Variants in INTS12 observed in about 807,000 individuals in gnomAD.
INTS12 encodes the protein integrator complex subunit 12.
In INTS12, 13 loss-of-function variants were observed where a neutral mutation model predicts 41.6. The observed-to-expected ratio is 0.31, with a 90% CI of 0.20 to 0.50. The LOEUF is 0.50. Among genes scored for constraint, INTS12 ranks in the 20% least tolerant of loss-of-function variants. The pLI is 0.98. For synonymous variants in INTS12, 199 were observed against 191.4 expected (o/e 1.04, Z -0.33); for missense variants, 432 against 541.6 (o/e 0.80, Z 2.01).
At chr4:105,706,988 A>C (rs1732294470) in intron 1 of INTS12, among the ~76,000 whole-genome samples, 1 of 152,290 alleles carries the variant, frequency 6.6e-6, no homozygotes, top group South Asian at 2.1e-4. Flanking sequence ...CTGAGAAGTT[A>C]GGGCTTTCTA....
chr4:105,684,605 C>A (rs906912841), intron 7 of INTS12, among the ~76,000 whole-genome samples: 1 of 152,034 alleles, frequency 6.6e-6, no homozygotes, highest in African/African-American at 2.4e-5. Context: ...TGTCCACATA[C>A]TCTGAAAATT....
chr4:105,696,093 C>T (rs62320296), intron 3 of INTS12, among the ~76,000 whole-genome samples: 5,902 of 152,206 alleles, frequency 0.039, 174 homozygotes, highest in Non-Finnish European at 0.061. Flanking sequence ...TCAAATGATC[C>T]GCCCACCTCG....
At position 105,700,029 on chromosome 4, in the gene INTS12, GAGAA is replaced by G. The variant is rs1732006525; in HGVS notation, c.-9-19_-9-16del. ...ATTGCAAACGCCTGAAGGAAAAAAA[GAGAA>G]AGTAATCTAGAAGACAATGCACAAT... On this transcript the variant is annotated splice_polypyrimidine_tract_variant and intron_variant, in intron 2 of 7. Transcript: ENST00000340139. The G allele has an allele frequency of 6.9e-7, 1 of 1,452,086 alleles. No homozygotes were observed. Among genetic ancestry groups the G allele is most frequent in the Non-Finnish European group, 9.2e-7 (1 of 1,086,180 alleles). The allele number at this position is 1,452,086 out of a possible 1,614,324, so 90.0% of individuals were successfully genotyped here.
At chr4:105,686,982 C>T in intron 6 of INTS12, 144 bp from the exon 7 acceptor site, 1 of 668,880 alleles carries the variant, frequency 1.5e-6, no homozygotes, top group South Asian at 1.8e-5. Flanking sequence ...TATATATGCT[C>T]TTTGACAAAT....
intron 3 of INTS12, among the ~76,000 whole-genome samples, chr4:105,699,479 G>A (rs1731982732): frequency 6.6e-6 from 1 of 151,936 alleles, no homozygotes; most frequent in African/African-American, 2.4e-5. Flanking sequence ...TGAAAGATCT[G>A]TCCTTTTACT....
Position 105,693,463 on chromosome 4 carries a change from T to A in INTS12, c.333A>T (p.Gly111=), listed in dbSNP as rs748332752. The A allele has an allele frequency of 3.7e-6, 6 of 1,612,956 alleles. No individual in the cohort carries two copies. The South Asian group carries it at 5.5e-5, about 15-fold the overall frequency. The change falls in exon 5 of 8, where the codon GGA becomes GGT. Residue 111 remains glycine, a synonymous_variant. Transcript: ENST00000340139. ...ADKMKSDITE[G]VDIPKKPRLE... is the part of the protein sequence containing the mutation. ...ATCTAGGTTTCTTTGGAATATCAAC[T>A]CCTTCAGTGATGTCTGATTTCATCT... is the stretch of plus-strand genomic sequence containing the variant.
chr4:105,701,243 T>A (rs1021817152), intron 2 of INTS12, among the ~76,000 whole-genome samples: 1 of 151,822 alleles, frequency 6.6e-6, no homozygotes, highest in African/African-American at 2.4e-5. Context: ...CTTTTTTTTT[T>A]TTTTTTTTAA....
chr4:105,708,262 C>G (rs748831033), intron 1 of INTS12: 1 of 985,438 alleles, frequency 1.0e-6, no homozygotes, highest in East Asian at 1.1e-4. Context: ...TTGATCAAAG[C>G]ATCACACATC....
intron 1 of INTS12, among the ~76,000 whole-genome samples, chr4:105,707,643 C>A (rs1347210560): frequency 6.6e-6 from 1 of 152,150 alleles, no homozygotes; most frequent in Non-Finnish European, 1.5e-5. Flanking sequence ...TACAATGTTC[C>A]TATCTGTAAA....
chr4:105,705,201 T>C (rs894785107), intron 1 of INTS12: 1 of 152,196 alleles, frequency 6.6e-6, no homozygotes, highest in Non-Finnish European at 1.5e-5. Context: ...TCCTGTCACA[T>C]CACTGGTGGA....
At position 105,683,058 on chromosome 4, in the gene INTS12, G is replaced by A. The variant is rs748791802; in HGVS notation, c.1064C>T (p.Thr355Met). 4.0e-5 allele frequency: 64 copies of A among 1,614,096 alleles called. 1 individual carries two copies. Among genetic ancestry groups the A allele is most frequent in the Admixed American group, 1.0e-4 (6 of 60,008 alleles). ...GSKIGSNNST[T>M]PTVPLKPPPP... Reference sequence around the variant, plus strand: ...AGGTGGTTTTAAAGGTACAGTGGGCGTAGTGCTGTTATTGGAACCTATTTT... The same window carrying A: ...AGGTGGTTTTAAAGGTACAGTGGGCATAGTGCTGTTATTGGAACCTATTTT... The change falls in exon 8 of 8, where the codon ACG (threonine) becomes ATG (methionine). Residue 355 changes from threonine (T) to methionine (M), a missense_variant. Physicochemically the swap from Thr to Met is moderately conservative, Grantham distance 81. Transcript: ENST00000340139.
chr4:105,693,916 T>G (rs1258794512), intron 4 of INTS12, among the ~76,000 whole-genome samples: 4 of 152,230 alleles, frequency 2.6e-5, no homozygotes, highest in African/African-American at 9.6e-5. Context: ...TGATAAGACA[T>G]GGAATTTGGA....
At chr4:105,700,176 T>C (rs986237344) in intron 2 of INTS12, 162 bp from the exon 3 acceptor site, 6 of 409,402 alleles carry the variant, frequency 1.5e-5, no homozygotes, top group Middle Eastern at 6.7e-4. Flanking sequence ...ATTTCCTTCT[T>C]ATTCCTGACA....
At chr4:105,704,014 C>CAT (rs1553954599) in intron 1 of INTS12, among the ~76,000 whole-genome samples, 22 of 144,126 alleles carry the variant, frequency 1.5e-4, no homozygotes, top group Non-Finnish European at 6.1e-5. Flanking sequence ...CCCATATCTT[C>CAT]TTTTTTTTTT....
intron 2 of INTS12, chr4:105,702,920 T>C: frequency 1.0e-6 from 1 of 985,086 alleles, no homozygotes; most frequent in Non-Finnish European, 1.2e-6. Context: ...TTCTCTAATC[T>C]CTGTTACTTT....
chr4:105,704,212 A>G (rs1293802002), intron 1 of INTS12, among the ~76,000 whole-genome samples: 1 of 152,102 alleles, frequency 6.6e-6, no homozygotes, highest in African/African-American at 2.4e-5. Context: ...AAATGCTCTC[A>G]TGAGTCATTC....
intron 4 of INTS12, among the ~76,000 whole-genome samples, chr4:105,694,266 C>A (rs938857507): frequency 6.6e-6 from 1 of 152,044 alleles, no homozygotes; most frequent in African/African-American, 2.4e-5. Flanking sequence ...ATTTCAAAAG[C>A]ACATAGTTGA....
At chr4:105,692,822 T>C (rs373654955) in intron 5 of INTS12, among the ~76,000 whole-genome samples, 86 of 152,330 alleles carry the variant, frequency 5.6e-4, no homozygotes, top group African/African-American at 2.0e-3. Flanking sequence ...TTGTTCTTCA[T>C]TAATATGAGT....
At chr4:105,705,491 T>G (rs1016195095) in intron 1 of INTS12, 2 of 152,350 alleles carry the variant, frequency 1.3e-5, no homozygotes, top group African/African-American at 4.8e-5. Flanking sequence ...AAACCATGTC[T>G]TCAATGAAAC....
Sources: allele counts gnomAD v4.1 joint callset (sites outside exome capture counted in the v4.1 genomes callset), GRCh38; gene constraint gnomAD v4.1.1; transcripts MANE v1.5; gene names NCBI Gene and HGNC (gene_info 2026-07-23, HGNC 2026-07-21).